The following SPMIP2 variants were observed in gnomAD, a reference collection of about 807,000 sequenced individuals.
The protein encoded by SPMIP2 is sperm microtubule inner protein 2.
the SPMIP2 span, among the ~76,000 whole-genome samples, chr4:158,910,365 C>A: frequency 6.6e-6 from 1 of 151,898 alleles, no homozygotes; most frequent in African/African-American, 2.4e-5. Context: ...CCTCTGCCTC[C>A]CGGGTTCAGG....
At chr4:158,903,170 G>T in the SPMIP2 span, among the ~76,000 whole-genome samples, 1 of 152,196 alleles carries the variant, frequency 6.6e-6, no homozygotes, top group African/African-American at 2.4e-5. Flanking sequence ...TGGGAAAAGT[G>T]CAGTATCCAG....
At chr4:159,020,847 C>T in the SPMIP2 span, among the ~76,000 whole-genome samples, 2 of 152,110 alleles carry the variant, frequency 1.3e-5, no homozygotes, top group African/African-American at 4.8e-5. Context: ...CTGCAAGCTC[C>T]GCCTCCCGGG....
chr4:158,919,460 T>C, the SPMIP2 span, among the ~76,000 whole-genome samples: 1 of 152,352 alleles, frequency 6.6e-6, no homozygotes, highest in African/African-American at 2.4e-5. Flanking sequence ...GGGTTTCTTA[T>C]GTTTCCTCTT....
chr4:158,990,926 G>A, the SPMIP2 span, among the ~76,000 whole-genome samples: 2 of 152,116 alleles, frequency 1.3e-5, no homozygotes, highest in Admixed American at 6.6e-5. Flanking sequence ...AAAAGAGATA[G>A]GGTCTTGCTA....
chr4:158,946,222 C>T, the SPMIP2 span, among the ~76,000 whole-genome samples: 9,096 of 152,282 alleles, frequency 0.06, 858 homozygotes, highest in African/African-American at 0.2. Flanking sequence ...TTAGTAAGTT[C>T]TCTTCTTAAA....
At chr4:158,994,554 T>C in the SPMIP2 span, among the ~76,000 whole-genome samples, 5 of 152,166 alleles carry the variant, frequency 3.3e-5, no homozygotes, top group South Asian at 1.0e-3. Flanking sequence ...TCTATTTCAG[T>C]GACCAGATGG....
the SPMIP2 span, among the ~76,000 whole-genome samples, chr4:158,987,984 T>G: frequency 6.6e-6 from 1 of 151,686 alleles, no homozygotes; most frequent in Admixed American, 6.6e-5. Context: ...ATCAACAAAA[T>G]ATACTGCTAG....
chr4:159,044,234 G>A, the SPMIP2 span, among the ~76,000 whole-genome samples: 1 of 151,524 alleles, frequency 6.6e-6, no homozygotes, highest in Admixed American at 6.6e-5. Context: ...AACACAGCTG[G>A]GCACGGTGCC....
At chr4:158,952,917 GGAA>G in the SPMIP2 span, among the ~76,000 whole-genome samples, 1 of 152,124 alleles carries the variant, frequency 6.6e-6, no homozygotes, top group African/African-American at 2.4e-5. Context: ...CGTATCTGGT[GGAA>G]GAAATTTCTA....
the SPMIP2 span, among the ~76,000 whole-genome samples, chr4:159,020,886 C>G: frequency 1.3e-5 from 2 of 152,098 alleles, no homozygotes; most frequent in Non-Finnish European, 2.9e-5. Context: ...CTCAGCCTCC[C>G]GAGTAGCTGG....
At chr4:159,006,251 G>A in the SPMIP2 span, among the ~76,000 whole-genome samples, 1 of 152,216 alleles carries the variant, frequency 6.6e-6, no homozygotes, top group South Asian at 2.1e-4. Context: ...ATTTGTTAGA[G>A]AGGGAGAGGT....
chr4:158,916,023 G>A, the SPMIP2 span, among the ~76,000 whole-genome samples: 1 of 152,312 alleles, frequency 6.6e-6, no homozygotes, highest in South Asian at 2.1e-4. Context: ...TTCCACCTGG[G>A]CTGCAAGAGC....
At chr4:158,938,826 A>G in the SPMIP2 span, among the ~76,000 whole-genome samples, 1 of 152,230 alleles carries the variant, frequency 6.6e-6, no homozygotes, top group Non-Finnish European at 1.5e-5. Flanking sequence ...ATTTATATGG[A>G]GTAATGAGCA....
the SPMIP2 span, among the ~76,000 whole-genome samples, chr4:158,989,531 A>T: frequency 1.3e-5 from 2 of 152,166 alleles, no homozygotes; most frequent in South Asian, 4.1e-4. Flanking sequence ...ACCAAAACAG[A>T]TATATAGACC....
At chr4:159,054,014 C>A in the SPMIP2 span, among the ~76,000 whole-genome samples, 1 of 151,630 alleles carries the variant, frequency 6.6e-6, no homozygotes, top group South Asian at 2.1e-4. Context: ...TGTTTTTTTG[C>A]CCAGGCTGGA....
chr4:158,903,522 T>G, the SPMIP2 span, among the ~76,000 whole-genome samples: 1 of 152,208 alleles, frequency 6.6e-6, no homozygotes, highest in Non-Finnish European at 1.5e-5. Context: ...TCAACACGTG[T>G]AATCATAAGC....
At chr4:159,014,341 TA>T in the SPMIP2 span, among the ~76,000 whole-genome samples, 1 of 77,282 alleles carries the variant, frequency 1.3e-5, no homozygotes, top group Non-Finnish European at 3.2e-5. Context: ...TAGTCTCAGC[TA>T]CTCAGGAGGC....
At chr4:158,978,145 C>T in the SPMIP2 span, among the ~76,000 whole-genome samples, 4 of 152,126 alleles carry the variant, frequency 2.6e-5, no homozygotes, top group Non-Finnish European at 5.9e-5. Flanking sequence ...TTTCAAAGAA[C>T]TTATTTATTT....
chr4:158,968,966 C>T, the SPMIP2 span, among the ~76,000 whole-genome samples: 4 of 152,094 alleles, frequency 2.6e-5, no homozygotes, highest in East Asian at 7.7e-4. Context: ...GTTTTTATTA[C>T]CTCATATTAC....
Sources: gnomAD v4.1 joint callset for allele counts (sites outside exome capture counted in the v4.1 genomes callset) on GRCh38, gnomAD v4.1.1 for gene constraint, MANE v1.5 for transcripts, NCBI Gene and HGNC (gene_info 2026-07-23, HGNC 2026-07-21) for gene names.